SVOP: variants seen among roughly 807,000 people sequenced by gnomAD.
The protein encoded by SVOP is synaptic vesicle 2-related protein.
SVOP carries 17 observed loss-of-function variants against 69.1 expected under a neutral mutation model. The observed-to-expected ratio is 0.25, with a 90% CI of 0.17 to 0.37. The LOEUF (loss-of-function observed/expected upper bound fraction) is 0.37. SVOP is among the 10% of genes least tolerant of loss of function. The pLI is 1.00. For missense variants in SVOP, 435 were observed against 597.5 expected (o/e 0.73, Z 2.84); for synonymous variants, 238 against 238.6 (o/e 1.00, Z 0.02).
intron 2 of SVOP, among the ~76,000 whole-genome samples, chr12:108,980,520 G>A (rs1280076166): frequency 2.6e-5 from 4 of 151,824 alleles, no homozygotes; most frequent in South Asian, 2.1e-4. Context: ...AGGCCAAGGC[G>A]AGCAGATCAC....
chr12:108,968,259 A>G (rs951163997), intron 5 of SVOP, among the ~76,000 whole-genome samples: 2 of 152,210 alleles, frequency 1.3e-5, no homozygotes, highest in African/African-American at 4.8e-5. Flanking sequence ...TCTGGGGCCA[A>G]CTCAGTGAAC....
intron 11 of SVOP, among the ~76,000 whole-genome samples, chr12:108,923,818 T>C (rs1272854015): frequency 1.3e-5 from 2 of 152,068 alleles, no homozygotes; most frequent in African/African-American, 4.8e-5. Flanking sequence ...AAAGAGGTGA[T>C]GGAAACAAGA....
intron 1 of SVOP, among the ~76,000 whole-genome samples, chr12:108,992,047 A>G (rs2040205323): frequency 6.6e-6 from 1 of 152,208 alleles, no homozygotes; most frequent in African/African-American, 2.4e-5. Context: ...CGGTGTGCGT[A>G]TAAACTGGCT....
Position 108,937,919 on chromosome 12 carries a change from C to T in SVOP, c.898-582G>A, listed in dbSNP as rs559327099. Among the ~76,000 whole-genome samples, 3 of 152,280 alleles carry T rather than the reference C, an allele frequency of 2.0e-5. No homozygotes were observed. The South Asian group carries it at 6.2e-4, about 32-fold the overall frequency. On this transcript the variant is annotated intron_variant, in intron 9 of 15. Coordinates refer to ENST00000610966, the MANE Select transcript of SVOP (RefSeq NM_018711.5). ...CCTGTAATCCCAGCACTTTGGGAGGCCGGGGCAGGTTGATCACTTGAAGCC... is the reference window on the plus strand; with the variant it reads ...CCTGTAATCCCAGCACTTTGGGAGGTCGGGGCAGGTTGATCACTTGAAGCC...
intron 5 of SVOP, among the ~76,000 whole-genome samples, chr12:108,961,843 C>T (rs1261178567): frequency 1.3e-5 from 2 of 152,084 alleles, no homozygotes; most frequent in East Asian, 1.9e-4. Context: ...TTTCTCCCTC[C>T]TAGTTAGCAC....
chr12:108,991,784 C>CA lies in SVOP; in HGVS notation c.36-8024dup, dbSNP rs369772563. Among the ~76,000 whole-genome samples the CA allele has an allele frequency of 1.0e-3, 152 of 147,486 alleles. 1 individual carries two copies. Among genetic ancestry groups the CA allele is most frequent in the African/African-American group, 1.3e-3 (54 of 40,116 alleles). On this transcript the variant is annotated intron_variant, in intron 1 of 15. Transcript: ENST00000610966. ...AAGACCCCATCTCTACAAAAAAAAA[C>CA]AAAAAAAAAAGATTAGCCAGGCATG... is the stretch of plus-strand genomic sequence containing the variant.
chr12:109,015,451 G>T (rs1016474043), intron 1 of SVOP, among the ~76,000 whole-genome samples: 1 of 152,168 alleles, frequency 6.6e-6, no homozygotes, highest in Non-Finnish European at 1.5e-5. Flanking sequence ...CCAGAGGATT[G>T]CAGCAGAAGG....
In SVOP at chr12:108,938,688, T is replaced by C. The variant is rs866497220; in HGVS notation, c.897+139A>G. The C allele has an allele frequency of 5.8e-6, 8 of 1,390,242 alleles. No individual in the cohort carries two copies. The Middle Eastern group carries it at 1.9e-3, about 333-fold the overall frequency. The allele number at this position is 1,390,242 out of a possible 1,614,324, so 86.1% of individuals were successfully genotyped here. A position where few individuals can be genotyped will look rare whatever the true frequency, so the allele number is the denominator to read the frequency against. ...TCCTGTCTACTGGGCCCTCATCTGC[T>C]CCATGTGCACGCACACACCCCACCT... On this transcript the variant is annotated intron_variant, in intron 9 of 15. Coordinates refer to ENST00000610966, the MANE Select transcript of SVOP (RefSeq NM_018711.5).
chr12:109,008,119 T>C (rs922286869), intron 1 of SVOP, among the ~76,000 whole-genome samples: 1 of 151,536 alleles, frequency 6.6e-6, no homozygotes, highest in African/African-American at 2.4e-5. Context: ...TCCTAGATAA[T>C]ATGCAGTGTA....
At chr12:108,974,054 AT>A (rs1226492271) in intron 4 of SVOP, among the ~76,000 whole-genome samples, 1 of 152,218 alleles carries the variant, frequency 6.6e-6, no homozygotes, top group Admixed American at 6.5e-5. Flanking sequence ...GGCACACGCA[AT>A]TTGGAGAGCG....
chr12:109,016,199 C>G (rs1020920387), intron 1 of SVOP, among the ~76,000 whole-genome samples: 1 of 152,228 alleles, frequency 6.6e-6, no homozygotes, highest in Admixed American at 6.5e-5. Context: ...TCTGACTTCA[C>G]CGATAGGCAC....
chr12:108,964,738 A>G (rs1239201450), intron 5 of SVOP, among the ~76,000 whole-genome samples: 1 of 152,124 alleles, frequency 6.6e-6, no homozygotes, highest in Non-Finnish European at 1.5e-5. Flanking sequence ...CTTTTCATTA[A>G]CTATGACTGT....
chr12:108,964,949 C>CT (rs1259354838), intron 5 of SVOP, among the ~76,000 whole-genome samples: 2 of 152,204 alleles, frequency 1.3e-5, no homozygotes, highest in African/African-American at 2.4e-5. Context: ...ATACCAGACA[C>CT]TGACATATTT....
At chr12:109,006,291 G>A (rs1278972859) in intron 1 of SVOP, among the ~76,000 whole-genome samples, 2 of 152,138 alleles carry the variant, frequency 1.3e-5, no homozygotes, top group Non-Finnish European at 2.9e-5. Context: ...GACCTCAGAT[G>A]ATCTGCCTAC....
At chr12:108,953,803 C>A (rs952305309) in intron 6 of SVOP, among the ~76,000 whole-genome samples, 1 of 151,842 alleles carries the variant, frequency 6.6e-6, no homozygotes, top group Non-Finnish European at 1.5e-5. Flanking sequence ...TTTTATTTGC[C>A]CTCCTCACAG....
chr12:108,998,279 T>C lies in SVOP; in HGVS notation c.36-14518A>G, dbSNP rs1278683443. On this transcript the variant is annotated intron_variant, in intron 1 of 15. Coordinates refer to ENST00000610966, the MANE Select transcript of SVOP (RefSeq NM_018711.5). The stretch of plus-strand genomic sequence containing the variant: ...TTAGAGAAAAAAGAATAAAAAGAAA[T>C]GAGCAAAGCCTCCAAGAAATATGGG... 1.2e-3 allele frequency among the ~76,000 whole-genome samples: 183 copies of C among 151,382 alleles called. 1 individual carries two copies. The highest frequency in any genetic ancestry group is 2.2e-3 in the Non-Finnish European group (152 of 67,598).
At chr12:108,937,042 G>GCACC (rs2039860843) in intron 10 of SVOP, 1 of 533,680 alleles carries the variant, frequency 1.9e-6, no homozygotes, top group Non-Finnish European at 3.4e-6. Context: ...AGCCTGCACG[G>GCACC]TGATTAAAAG....
intron 1 of SVOP, among the ~76,000 whole-genome samples, chr12:109,016,853 CTG>C (rs2040370479): frequency 6.6e-6 from 1 of 151,838 alleles, no homozygotes; most frequent in African/African-American, 2.4e-5. Context: ...AGCAATCCTC[CTG>C]CCTCAGCCTC....
chr12:108,942,393 C>T (rs1266163823), intron 7 of SVOP, among the ~76,000 whole-genome samples: 1 of 152,204 alleles, frequency 6.6e-6, no homozygotes, highest in Admixed American at 6.5e-5. Context: ...ATCAGAATTG[C>T]CACTTCTCGA....
Sources: allele counts gnomAD v4.1 joint callset (sites outside exome capture counted in the v4.1 genomes callset), GRCh38; gene constraint gnomAD v4.1.1; transcripts MANE v1.5; gene names NCBI Gene and HGNC (gene_info 2026-07-23, HGNC 2026-07-21).